CENPW: variants seen among roughly 807,000 people sequenced by gnomAD.
CENPW encodes cancer-up-regulated gene 2 protein.
Under a neutral mutation model 11.1 loss-of-function variants are expected in CENPW, and 3 were observed. That is an observed-to-expected ratio of 0.27 (90% CI 0.12 to 0.70). The LOEUF is 0.70. CENPW is among the 30% of genes least tolerant of loss of function. The probability of loss-of-function intolerance (pLI) is 0.77; values close to 1 mark genes in which losing one functional copy is unlikely to be tolerated. For missense variants in CENPW, 100 were observed against 105.6 expected, an observed-to-expected ratio of 0.95 and a Z score of 0.23; for synonymous variants, 38 against 42.0, an observed-to-expected ratio of 0.91 and a Z score of 0.37.
At chr6:126,459,501 G>T in the CENPW span, among the ~76,000 whole-genome samples, 1 of 151,544 alleles carries the variant, frequency 6.6e-6, no homozygotes, top group African/African-American at 2.4e-5. Context: ...AATGACAATT[G>T]TTTACCTTAC....
At chr6:126,473,992 A>G in the CENPW span, among the ~76,000 whole-genome samples, 2 of 148,330 alleles carry the variant, frequency 1.3e-5, no homozygotes, top group African/African-American at 4.9e-5. Flanking sequence ...TATATATAGA[A>G]TATATAGAAT....
At chr6:126,366,242 C>A in the CENPW span, among the ~76,000 whole-genome samples, 2 of 151,914 alleles carry the variant, frequency 1.3e-5, no homozygotes, top group Non-Finnish European at 2.9e-5. Flanking sequence ...CAAAATTTTA[C>A]TCTGTAATTT....
chr6:126,363,812 T>C, the CENPW span, among the ~76,000 whole-genome samples: 7 of 152,222 alleles, frequency 4.6e-5, no homozygotes, highest in African/African-American at 1.4e-4. Flanking sequence ...AGATTTTTTG[T>C]TTCTAAACAG....
At chr6:126,343,201 A>C (rs1350160712) in intron 1 of CENPW, among the ~76,000 whole-genome samples, 1 of 152,204 alleles carries the variant, frequency 6.6e-6, no homozygotes, top group Non-Finnish European at 1.5e-5. Flanking sequence ...TTGATGGAAT[A>C]GCTTACCTTT....
At chr6:126,380,881 A>T in the CENPW span, among the ~76,000 whole-genome samples, 2 of 152,270 alleles carry the variant, frequency 1.3e-5, no homozygotes, top group East Asian at 3.9e-4. Flanking sequence ...AATGACAAAG[A>T]TTCTCTGTTG....
the CENPW span, among the ~76,000 whole-genome samples, chr6:126,378,338 T>C: frequency 6.6e-6 from 1 of 152,008 alleles, no homozygotes; most frequent in Non-Finnish European, 1.5e-5. Flanking sequence ...GAGTTTTCTA[T>C]CATGGATGCA....
chr6:126,387,345 T>C, the CENPW span, among the ~76,000 whole-genome samples: 23 of 152,078 alleles, frequency 1.5e-4, no homozygotes, highest in African/African-American at 4.3e-4. Context: ...TCATTAAGTA[T>C]AAATGTGGTG....
chr6:126,340,305 A>G lies in CENPW; in HGVS notation c.32A>G (p.Lys11Arg), dbSNP rs747281256. The change falls in exon 1 of 3, where the codon AAG becomes AGG. Residue 11 changes from lysine (K) to arginine (R), a missense_variant. By Grantham distance (26) the Lys-to-Arg change is conservative (BLOSUM62 2). Transcript: ENST00000368328. ...CTGTCGACCATAGTCTCCCAGAGGA[A>G]GCAGATAAAGCGGAAGGCTCCCCGT... MALSTIVSQR[K>R]QIKRKAPRGF... 1.4e-5 allele frequency: 23 copies of G among 1,613,888 alleles called. No homozygotes were observed. In the East Asian group the frequency reaches 3.1e-4, roughly 22 times the overall value.
the CENPW span, among the ~76,000 whole-genome samples, chr6:126,440,610 G>T: frequency 3.3e-5 from 5 of 151,230 alleles, no homozygotes; most frequent in South Asian, 1.0e-3. Context: ...GTCTACAGAA[G>T]AAAAAAGGAT....
At chr6:126,469,172 C>T in the CENPW span, among the ~76,000 whole-genome samples, 9 of 152,042 alleles carry the variant, frequency 5.9e-5, no homozygotes, top group Admixed American at 1.3e-4. Flanking sequence ...AATTTTAATC[C>T]CCACATGAGA....
chr6:126,414,115 A>G, the CENPW span, among the ~76,000 whole-genome samples: 30 of 152,044 alleles, frequency 2.0e-4, no homozygotes, highest in African/African-American at 6.3e-4. Flanking sequence ...CAGGAATACA[A>G]TATATCAATT....
At chr6:126,479,175 G>C in the CENPW span, among the ~76,000 whole-genome samples, 1 of 151,880 alleles carries the variant, frequency 6.6e-6, no homozygotes, top group Non-Finnish European at 1.5e-5. Flanking sequence ...TTCCTTTAAA[G>C]GCTATTGTCC....
chr6:126,397,791 A>G, the CENPW span, among the ~76,000 whole-genome samples: 1 of 152,090 alleles, frequency 6.6e-6, no homozygotes. Flanking sequence ...CTTTCACTCT[A>G]ACTCTAAACT....
chr6:126,474,179 G>A, the CENPW span, among the ~76,000 whole-genome samples: 229 of 151,670 alleles, frequency 1.5e-3, no homozygotes, highest in African/African-American at 4.8e-3. Flanking sequence ...TATACTCAGC[G>A]GTGAAAAACT....
At chr6:126,440,889 G>T in the CENPW span, among the ~76,000 whole-genome samples, 2 of 151,438 alleles carry the variant, frequency 1.3e-5, no homozygotes, top group African/African-American at 4.8e-5. Context: ...AGCTATGTTT[G>T]TATTAGAGAG....
At chr6:126,340,553 C>CAGGGA in intron 1 of CENPW, 154 bp downstream of exon 1, 2 of 1,037,634 alleles carry the variant, frequency 1.9e-6, no homozygotes, top group Non-Finnish European at 2.8e-6. Flanking sequence ...GTATGCCCCA[C>CAGGGA]CCTGGCATGT....
chr6:126,420,259 G>C, the CENPW span, among the ~76,000 whole-genome samples: 6 of 152,106 alleles, frequency 3.9e-5, no homozygotes, highest in African/African-American at 1.4e-4. Flanking sequence ...ATGTGAGATG[G>C]CCTAAGAGCT....
At chr6:126,362,077 CA>C in the CENPW span, among the ~76,000 whole-genome samples, 1 of 152,100 alleles carries the variant, frequency 6.6e-6, no homozygotes, top group African/African-American at 2.4e-5. Flanking sequence ...AGTGGGTCGA[CA>C]GGGGCCCTGG....
the CENPW span, among the ~76,000 whole-genome samples, chr6:126,379,345 A>T: frequency 1.3e-5 from 2 of 152,080 alleles, no homozygotes; most frequent in Admixed American, 6.6e-5. Flanking sequence ...TTTTTCTTTA[A>T]TATATATAAG....
Sources: gnomAD v4.1 joint callset for allele counts (sites outside exome capture counted in the v4.1 genomes callset) on GRCh38, gnomAD v4.1.1 for gene constraint, MANE v1.5 for transcripts, NCBI Gene and HGNC (gene_info 2026-07-23, HGNC 2026-07-21) for gene names.